The following POPDC1 variants were observed in gnomAD, a reference collection of about 807,000 sequenced individuals.
POPDC1 encodes popeye domain-containing protein 1.
At chr6:105,115,223 A>G in the POPDC1 span, among the ~76,000 whole-genome samples, 1 of 152,164 alleles carries the variant, frequency 6.6e-6, no homozygotes, top group Non-Finnish European at 1.5e-5. Context: ...AGTAGCCAGG[A>G]CTACAGGCGC....
the POPDC1 span, among the ~76,000 whole-genome samples, chr6:105,131,812 G>A: frequency 6.8e-6 from 1 of 146,142 alleles, no homozygotes; most frequent in East Asian, 2.0e-4. Flanking sequence ...ATTCATAATT[G>A]ATGTTTGCTT....
At chr6:105,119,475 G>C in the POPDC1 span, among the ~76,000 whole-genome samples, 2 of 152,304 alleles carry the variant, frequency 1.3e-5, no homozygotes, top group African/African-American at 4.8e-5. Flanking sequence ...AGGAGTATAA[G>C]CAAACTGACC....
the POPDC1 span, chr6:105,115,764 T>C: frequency 6.2e-7 from 1 of 1,614,052 alleles, no homozygotes; most frequent in Admixed American, 1.7e-5. Context: ...GCTATACTGT[T>C]CCTCATTTCC....
At chr6:105,136,466 G>C in the POPDC1 span, 53 of 152,406 alleles carry the variant, frequency 3.5e-4, no homozygotes, top group African/African-American at 1.1e-3. Flanking sequence ...CCTACTCTCC[G>C]AGCGGGGACG....
At chr6:105,111,885 C>T in the POPDC1 span, among the ~76,000 whole-genome samples, 140 of 152,266 alleles carry the variant, frequency 9.2e-4, no homozygotes, top group African/African-American at 3.2e-3. Flanking sequence ...GTATATTTGT[C>T]GCATTACTGA....
the POPDC1 span, among the ~76,000 whole-genome samples, chr6:105,131,870 C>T: frequency 2.0e-5 from 3 of 151,626 alleles, no homozygotes; most frequent in Non-Finnish European, 2.9e-5. Context: ...CCTGTTCCTA[C>T]TGCTGTAATC....
chr6:105,115,212 G>A, the POPDC1 span, among the ~76,000 whole-genome samples: 15 of 152,238 alleles, frequency 9.9e-5, no homozygotes, highest in African/African-American at 2.4e-4. Flanking sequence ...TCAGCCTCCC[G>A]AGTAGCCAGG....
At chr6:105,108,754 C>A in the POPDC1 span, among the ~76,000 whole-genome samples, 841 of 152,328 alleles carry the variant, frequency 5.5e-3, 8 homozygotes, top group African/African-American at 0.019. Flanking sequence ...TAAATGTAAG[C>A]ACTGCCCACT....
At chr6:105,128,754 T>C in the POPDC1 span, among the ~76,000 whole-genome samples, 2 of 152,182 alleles carry the variant, frequency 1.3e-5, no homozygotes, top group Non-Finnish European at 2.9e-5. Context: ...ATTATATCTT[T>C]TACTTTACTG....
At chr6:105,119,016 C>T in the POPDC1 span, among the ~76,000 whole-genome samples, 1 of 151,850 alleles carries the variant, frequency 6.6e-6, no homozygotes, top group African/African-American at 2.4e-5. Context: ...GAAACCCTGT[C>T]TCTACTAAAA....
At chr6:105,127,730 C>T in the POPDC1 span, among the ~76,000 whole-genome samples, 1 of 152,000 alleles carries the variant, frequency 6.6e-6, no homozygotes, top group South Asian at 2.1e-4. Context: ...GCTATGGCGC[C>T]CAGCCTCATG....
the POPDC1 span, chr6:105,100,239 G>C: frequency 6.6e-6 from 1 of 152,208 alleles, no homozygotes; most frequent in Non-Finnish European, 1.5e-5. Context: ...GCCGGGCGCG[G>C]TGGCTCACGC....
chr6:105,117,160 G>T, the POPDC1 span, among the ~76,000 whole-genome samples: 4 of 152,174 alleles, frequency 2.6e-5, no homozygotes, highest in East Asian at 7.7e-4. Flanking sequence ...CGCTGCTGGA[G>T]CATGTATTCA....
the POPDC1 span, among the ~76,000 whole-genome samples, chr6:105,122,777 A>G: frequency 6.6e-6 from 1 of 152,224 alleles, no homozygotes; most frequent in African/African-American, 2.4e-5. Flanking sequence ...CTAAGAACAT[A>G]AATCTCACAT....
At chr6:105,101,350 C>A in the POPDC1 span, 1 of 955,936 alleles carries the variant, frequency 1.0e-6, no homozygotes, top group Non-Finnish European at 1.5e-6. Flanking sequence ...ACACAATTTC[C>A]ATAAACCATT....
At chr6:105,115,507 T>C in the POPDC1 span, among the ~76,000 whole-genome samples, 1 of 152,396 alleles carries the variant, frequency 6.6e-6, no homozygotes, top group South Asian at 2.1e-4. Context: ...AGTTGGCTTT[T>C]AGCTCATATG....
chr6:105,116,021 CAAA>C, the POPDC1 span, among the ~76,000 whole-genome samples: 1 of 151,882 alleles, frequency 6.6e-6, no homozygotes, highest in Non-Finnish European at 1.5e-5. Context: ...TATACAAAAT[CAAA>C]TATACTTAGT....
chr6:105,109,705 G>C, the POPDC1 span, among the ~76,000 whole-genome samples: 3 of 135,456 alleles, frequency 2.2e-5, no homozygotes, highest in East Asian at 6.9e-4. Flanking sequence ...CGGAAGATGC[G>C]GCGAGCTGTG....
chr6:105,126,386 C>G, the POPDC1 span, among the ~76,000 whole-genome samples: 7 of 151,048 alleles, frequency 4.6e-5, no homozygotes, highest in Middle Eastern at 3.2e-3. Flanking sequence ...GAACTATGAT[C>G]GCACCATTGC....
Sources: allele counts gnomAD v4.1 joint callset (sites outside exome capture counted in the v4.1 genomes callset), GRCh38; gene constraint gnomAD v4.1.1; transcripts MANE v1.5; gene names NCBI Gene and HGNC (gene_info 2026-07-23, HGNC 2026-07-21).